DCT: variants seen among roughly 807,000 people sequenced by gnomAD.
The protein encoded by DCT is dopachrome tautomerase, also known as L-dopachrome tautomerase.
DCT carries 47 observed loss-of-function variants against 53.0 expected under a neutral mutation model. The observed-to-expected ratio is 0.89, with a 90% CI of 0.70 to 1.13. The LOEUF (loss-of-function observed/expected upper bound fraction) is 1.13, where lower values mean the gene tolerates loss of function less well. Ranked by LOEUF, DCT falls within the 50% of genes most tolerant of loss-of-function variation. DCT has a pLI of 0.00. For missense variants in DCT, 669 were observed against 637.4 expected, an observed-to-expected ratio of 1.05 and a Z score of -0.53; for synonymous variants, 244 against 237.0, an observed-to-expected ratio of 1.03 and a Z score of -0.27.
the DCT span, among the ~76,000 whole-genome samples, chr13:94,523,215 C>A: frequency 3.3e-5 from 5 of 152,248 alleles, no homozygotes; most frequent in Admixed American, 2.6e-4. Flanking sequence ...ATACTGACTT[C>A]TGATTAACCT....
At position 94,465,968 on chromosome 13, in the gene DCT, TTATATATATATATATA is replaced by T. The variant is rs3044355; in HGVS notation, c.697-185_697-170del. Among the ~76,000 whole-genome samples, 441 of 77,792 alleles carry T rather than the reference TTATATATATATATATA, an allele frequency of 5.7e-3. 4 individuals carry two copies. Among genetic ancestry groups the T allele is most frequent in the Middle Eastern group, 0.016 (2 of 128 alleles). 51.0% of individuals were successfully genotyped at this position (77,792 alleles called of 152,430 possible). On this transcript the variant is annotated intron_variant, in intron 3 of 7. Transcript: ENST00000377028. ...TGACATAAATCAGTGTGTGTATATT[TTATATATATATATATA>T]TATATATATATATATATATATATAT...
At chr13:94,440,413 G>A (rs960300792) in intron 7 of DCT, among the ~76,000 whole-genome samples, 1 of 152,076 alleles carries the variant, frequency 6.6e-6, no homozygotes, top group African/African-American at 2.4e-5. Context: ...ATGCTAAAAT[G>A]GCATCTGGGG....
the DCT span, among the ~76,000 whole-genome samples, chr13:94,505,359 C>A: frequency 1.3e-5 from 2 of 152,118 alleles, no homozygotes; most frequent in African/African-American, 2.4e-5. Flanking sequence ...AATATTACCT[C>A]CAGATTAGAC....
chr13:94,443,401 GA>G, intron 7 of DCT, 34 bp downstream of exon 7: 1 of 1,480,138 alleles, frequency 6.8e-7, no homozygotes, highest in Non-Finnish European at 9.5e-7. Context: ...TTTAGAAGAT[GA>G]ATGAATCACC....
the DCT span, among the ~76,000 whole-genome samples, chr13:94,533,491 A>G: frequency 2.0e-5 from 3 of 152,246 alleles, no homozygotes; most frequent in Non-Finnish European, 4.4e-5. Context: ...TGGTTGAAAG[A>G]AATGGGAGAA....
chr13:94,489,777 CACACA>C, the DCT span, among the ~76,000 whole-genome samples: 1 of 152,050 alleles, frequency 6.6e-6, no homozygotes, highest in Non-Finnish European at 1.5e-5. Context: ...CACACACACA[CACACA>C]CATATACACA....
upstream of DCT, among the ~76,000 whole-genome samples, chr13:94,481,881 C>G (rs1456889677): frequency 3.3e-5 from 5 of 152,236 alleles, no homozygotes; most frequent in Admixed American, 3.3e-4. Context: ...TTTGAGTCTT[C>G]TCTTTCCCAC....
chr13:94,494,440 C>A, the DCT span, among the ~76,000 whole-genome samples: 1 of 152,084 alleles, frequency 6.6e-6, no homozygotes, highest in Non-Finnish European at 1.5e-5. Context: ...CAGGGATTTC[C>A]CAGGCAGGGA....
the DCT span, among the ~76,000 whole-genome samples, chr13:94,517,738 A>G: frequency 2.0e-5 from 3 of 152,214 alleles, no homozygotes; most frequent in Admixed American, 6.5e-5. Flanking sequence ...GACAGAAGAC[A>G]GGAAGTCAAT....
the DCT span, among the ~76,000 whole-genome samples, chr13:94,489,687 A>T: frequency 6.6e-6 from 1 of 152,116 alleles, no homozygotes; most frequent in African/African-American, 2.4e-5. Flanking sequence ...GACAGCCAGG[A>T]AGGGGTGAAA....
At chr13:94,530,894 C>T in the DCT span, among the ~76,000 whole-genome samples, 576 of 152,196 alleles carry the variant, frequency 3.8e-3, 3 homozygotes, top group African/African-American at 0.013. Flanking sequence ...GAAAACCCCA[C>T]CATCTCAGCC....
the DCT span, among the ~76,000 whole-genome samples, chr13:94,507,533 C>T: frequency 1.9e-4 from 26 of 139,510 alleles, no homozygotes; most frequent in East Asian, 3.5e-3. Context: ...CAGTGTCTTT[C>T]TCTGTTGCCC....
chr13:94,441,601 T>A (rs776069554), intron 7 of DCT, among the ~76,000 whole-genome samples: 8 of 152,204 alleles, frequency 5.3e-5, no homozygotes, highest in Non-Finnish European at 1.2e-4. Flanking sequence ...CATGCAGTAT[T>A]TGTTCTTATG....
At chr13:94,488,723 T>TACACACACAC in the DCT span, among the ~76,000 whole-genome samples, 8 of 139,132 alleles carry the variant, frequency 5.7e-5, no homozygotes, top group African/African-American at 1.9e-4. Context: ...GTCTAATATA[T>TACACACACAC]ACACACACAC....
the DCT span, among the ~76,000 whole-genome samples, chr13:94,492,558 T>C: frequency 6.6e-6 from 1 of 152,198 alleles, no homozygotes; most frequent in Non-Finnish European, 1.5e-5. Context: ...AACTGAATGA[T>C]AGACCATGAC....
chr13:94,449,110 A>G (rs1317203523), intron 6 of DCT, among the ~76,000 whole-genome samples: 1 of 152,034 alleles, frequency 6.6e-6, no homozygotes, highest in Non-Finnish European at 1.5e-5. Flanking sequence ...CTAAATTTCA[A>G]AGTAGAGGCC....
chr13:94,538,369 C>G, the DCT span, among the ~76,000 whole-genome samples: 1 of 152,196 alleles, frequency 6.6e-6, no homozygotes, highest in Admixed American at 6.5e-5. Context: ...CTGGATATTA[C>G]ACAGGCAGGG....
At chr13:94,489,791 CAT>C in the DCT span, among the ~76,000 whole-genome samples, 4 of 151,800 alleles carry the variant, frequency 2.6e-5, no homozygotes, top group African/African-American at 9.7e-5. Context: ...CACATATACA[CAT>C]GTCTAAGCAT....
chr13:94,443,403 A>G, intron 7 of DCT, 33 bp downstream of exon 7: 1 of 1,504,146 alleles, frequency 6.6e-7, no homozygotes, highest in Non-Finnish European at 9.3e-7. Context: ...TAGAAGATGA[A>G]TGAATCACCC....
Sources: allele counts gnomAD v4.1 joint callset (sites outside exome capture counted in the v4.1 genomes callset), GRCh38; gene constraint gnomAD v4.1.1; transcripts MANE v1.5; gene names NCBI Gene and HGNC (gene_info 2026-07-23, HGNC 2026-07-21).